Variants in CAPRIN2 observed in about 807,000 individuals in gnomAD.
CAPRIN2 encodes the protein caprin family member 2.
CAPRIN2 carries 66 observed loss-of-function variants against 130.4 expected under a neutral mutation model. The ratio of observed to expected loss-of-function variants is 0.51; its 90% confidence interval spans 0.42 to 0.62. The LOEUF (loss-of-function observed/expected upper bound fraction) is 0.62. Ranked by LOEUF, CAPRIN2 falls within the 20% of genes least tolerant of loss-of-function variation. The probability of loss-of-function intolerance (pLI) is 0.00; values close to 1 mark genes in which losing one functional copy is unlikely to be tolerated. For missense variants in CAPRIN2, 1,185 were observed against 1,246.6 expected, an observed-to-expected ratio of 0.95 and a Z score of 0.74; for synonymous variants, 471 against 444.1, an observed-to-expected ratio of 1.06 and a Z score of -0.76.
chr12:30,729,723 C>T (rs1285540612), intron 7 of CAPRIN2, among the ~76,000 whole-genome samples: 1 of 152,190 alleles, frequency 6.6e-6, no homozygotes, highest in Non-Finnish European at 1.5e-5. Context: ...AATTATGTAA[C>T]CTTAAACGTG....
In CAPRIN2 at chr12:30,731,524, A is replaced by G. The variant is rs2062670231; in HGVS notation, c.893-14T>C. On this transcript the variant is annotated splice_polypyrimidine_tract_variant and intron_variant, in intron 5 of 16. Transcript: ENST00000298892. ...TCAAGTGTTTGTCTAAGAAAGAGTG[A>G]TTAAGACTTAATTGTCACATGACCT... 1 of 1,601,588 alleles carries G rather than the reference A, an allele frequency of 6.2e-7. No individual in the cohort carries two copies. The highest frequency in any genetic ancestry group is 1.3e-5 in the African/African-American group (1 of 74,430).
rs878972704 is a variant in CAPRIN2, at chr12:30,734,886, ACT to A, written c.809+80_809+81del. Reference sequence around the variant, plus strand: ...CACACACACACACACACACACACACACTCTCTCTCTCACATACACACACCCCT... The same window carrying A: ...CACACACACACACACACACACACACACTCTCTCTCACATACACACACCCCT... On this transcript the variant is annotated intron_variant, in intron 4 of 16. Coordinates refer to ENST00000298892, the Ensembl canonical transcript of CAPRIN2. 476 of 565,082 alleles carry A rather than the reference ACT, an allele frequency of 8.4e-4. 19 individuals carry two copies. Among genetic ancestry groups the A allele is most frequent in the East Asian group, 2.9e-3 (56 of 19,182 alleles). The allele number at this position is 565,082 out of a possible 1,614,324, so 35.0% of individuals were successfully genotyped here. A position where few individuals can be genotyped will look rare whatever the true frequency, so the allele number is the denominator to read the frequency against.
chr12:30,717,280 C>T (rs1207368615), intron 12 of CAPRIN2, among the ~76,000 whole-genome samples: 3 of 152,076 alleles, frequency 2.0e-5, no homozygotes, highest in Non-Finnish European at 2.9e-5. Flanking sequence ...CACTGTATAA[C>T]GCAAATGAAC....
intron 2 of CAPRIN2, 120 bp downstream of exon 3, chr12:30,750,951 A>G (rs1457932031): frequency 1.3e-6 from 1 of 762,804 alleles, no homozygotes; most frequent in African/African-American, 1.7e-5. Flanking sequence ...ACAGTTTTGA[A>G]CAAACTATGG....
chr12:30,751,410 A>C, intron 1 of CAPRIN2: 3 of 338,072 alleles, frequency 8.9e-6, no homozygotes, highest in Non-Finnish European at 1.7e-5. Context: ...TACTTAACCC[A>C]TGGGGACTTA....
rs189443738 is a variant in CAPRIN2, at chr12:30,725,908, A to G, written c.1905+58T>C. 7 of 1,377,632 alleles carry G rather than the reference A, an allele frequency of 5.1e-6. No individual in the cohort carries two copies. The East Asian group carries it at 1.8e-4, about 36-fold the overall frequency. 85.3% of individuals were successfully genotyped at this position (1,377,632 alleles called of 1,614,324 possible). On this transcript the variant is annotated intron_variant, in intron 9 of 16. Transcript: ENST00000298892. ...TCTATGCTCTTAATAATTTCACTGT[A>G]ATGTTTCCAGTCAGAAGCCCCATGA...
At position 30,733,612 on chromosome 12, in the gene CAPRIN2, G is replaced by A; in HGVS notation, c.892+17C>T. 6.4e-7 allele frequency: 1 copy of A among 1,563,450 alleles called. No individual in the cohort carries two copies. Among genetic ancestry groups the A allele is most frequent in the Non-Finnish European group, 8.8e-7 (1 of 1,134,118 alleles). On this transcript the variant is annotated intron_variant, in intron 5 of 16. Transcript: ENST00000298892. ...GTTTAGTATTTACTGCATAAGTCCA[G>A]AGTAGAGAAAACTCACATGTCGTTC...
At chr12:30,750,510 CA>C (rs1298625589) in intron 2 of CAPRIN2, among the ~76,000 whole-genome samples, 1 of 151,412 alleles carries the variant, frequency 6.6e-6, no homozygotes, top group Non-Finnish European at 1.5e-5. Flanking sequence ...GAAAAAAATG[CA>C]AGTAGCTTAA....
At chr12:30,737,759 G>A (rs984877547) in intron 3 of CAPRIN2, among the ~76,000 whole-genome samples, 2 of 151,830 alleles carry the variant, frequency 1.3e-5, no homozygotes, top group African/African-American at 2.4e-5. Context: ...CACCACGCCC[G>A]GCTAATTTTT....
intron 10 of CAPRIN2, 83 bp from the exon 12 acceptor site, chr12:30,723,397 CT>C (rs1182169364): frequency 4.3e-6 from 4 of 930,506 alleles, no homozygotes; most frequent in Non-Finnish European, 6.9e-6. Flanking sequence ...AAAGTTTACA[CT>C]TCACAAAAAA....
chr12:30,712,733 C>CTTTTTTTTTTTTTT (rs754373140), intron 15 of CAPRIN2, among the ~76,000 whole-genome samples: 2 of 107,292 alleles, frequency 1.9e-5, no homozygotes, highest in Non-Finnish European at 3.6e-5. Context: ...GTTTTCCACT[C>CTTTTTTTTTTTTTT]TTTTTTTTTT....
intron 12 of CAPRIN2, among the ~76,000 whole-genome samples, chr12:30,717,945 C>G (rs1450111036): frequency 6.6e-6 from 1 of 152,180 alleles, no homozygotes; most frequent in Non-Finnish European, 1.5e-5. Flanking sequence ...CCTTTTTTCA[C>G]TGCTACAACC....
intron 2 of CAPRIN2, among the ~76,000 whole-genome samples, chr12:30,744,292 C>CTTCA (rs2068848825): frequency 6.6e-6 from 1 of 152,192 alleles, no homozygotes; most frequent in African/African-American, 2.4e-5. Flanking sequence ...CCAAACCATA[C>CTTCA]TTCACATTGC....
rs559072101 is a variant in CAPRIN2 at position 30,749,472 on chromosome 12, T to A, written c.483+1599A>T. 2.6e-4 allele frequency among the ~76,000 whole-genome samples: 40 copies of A among 152,232 alleles called. 1 individual carries two copies. The highest frequency in any genetic ancestry group is 4.1e-4 in the South Asian group (2 of 4,824). ...GAGGCAGAAGTAATTACTACTATAA[T>A]AAGTAACGCAGATGAAAGGTTATAT... On this transcript the variant is annotated intron_variant, in intron 2 of 16. Transcript: ENST00000298892.
chr12:30,752,693 C>T (rs183367683), intron 1 of CAPRIN2, among the ~76,000 whole-genome samples: 1 of 152,204 alleles, frequency 6.6e-6, no homozygotes, highest in African/African-American at 2.4e-5. Context: ...CACATAGGTC[C>T]AGATAGTCAC....
At chr12:30,711,179 G>A (rs140817074) in intron 16 of CAPRIN2, among the ~76,000 whole-genome samples, 6 of 152,090 alleles carry the variant, frequency 3.9e-5, no homozygotes, top group African/African-American at 9.6e-5. Context: ...CTCAAGTCAC[G>A]GTGTCTTAAT....
chr12:30,741,744 G>A (rs549307449), intron 2 of CAPRIN2, among the ~76,000 whole-genome samples: 114 of 152,022 alleles, frequency 7.5e-4, no homozygotes, highest in African/African-American at 2.7e-3. Flanking sequence ...CTGTGCAACT[G>A]GATAAATACA....
At chr12:30,721,513 C>T (rs1453403500) in intron 11 of CAPRIN2, among the ~76,000 whole-genome samples, 1 of 152,076 alleles carries the variant, frequency 6.6e-6, no homozygotes, top group African/African-American at 2.4e-5. Context: ...GGAGAAAGCA[C>T]ATTAGGAAAA....
chr12:30,716,016 A>G (rs574360742), intron 13 of CAPRIN2: 1 of 156,044 alleles, frequency 6.4e-6, no homozygotes, highest in African/African-American at 2.4e-5. Context: ...AAATGAGTAC[A>G]AAGTTACCTA....
Sources: allele counts gnomAD v4.1 joint callset (sites outside exome capture counted in the v4.1 genomes callset), GRCh38; gene constraint gnomAD v4.1.1; transcripts MANE v1.5; gene names NCBI Gene and HGNC (gene_info 2026-07-23, HGNC 2026-07-21).